The following ADGRA2 variants were observed in gnomAD, a reference collection of about 807,000 sequenced individuals.
ADGRA2 encodes the protein G-protein coupled receptor 124.
ADGRA2 carries 61 observed loss-of-function variants against 98.7 expected under a neutral mutation model. That is an observed-to-expected ratio of 0.62 (90% CI 0.50 to 0.76). The LOEUF (loss-of-function observed/expected upper bound fraction) is 0.76, where lower values mean the gene tolerates loss of function less well. ADGRA2 is among the 30% of genes least tolerant of loss of function. The probability of loss-of-function intolerance (pLI) is 0.00; values close to 1 mark genes in which losing one functional copy is unlikely to be tolerated. For missense variants in ADGRA2, 1,712 were observed against 1,860.0 expected, an observed-to-expected ratio of 0.92 and a Z score of 1.46; for synonymous variants, 858 against 831.5, an observed-to-expected ratio of 1.03 and a Z score of -0.55.
At position 37,825,486 on chromosome 8, in the gene ADGRA2, T is replaced by C. The variant is rs566091162; in HGVS notation, c.339-3402T>C. 8.5e-4 allele frequency among the ~76,000 whole-genome samples: 128 copies of C among 151,034 alleles called. 1 individual carries two copies. The highest frequency in any genetic ancestry group is 2.9e-3 in the African/African-American group (119 of 41,088). On this transcript the variant is annotated intron_variant, in intron 2 of 18. Transcript: ENST00000412232. Reference sequence around the variant, plus strand: ...CTGGTCTCGAACTCCTGACCTCAGGTGATCTGCCTACCTCGGCCTCCCAAA... The same window carrying C: ...CTGGTCTCGAACTCCTGACCTCAGGCGATCTGCCTACCTCGGCCTCCCAAA...
chr8:37,805,823 C>T (rs1157468359), intron 1 of ADGRA2, among the ~76,000 whole-genome samples: 2 of 151,786 alleles, frequency 1.3e-5, no homozygotes, highest in East Asian at 1.9e-4. Context: ...GAGCCGAGAT[C>T]GTACCACTGC....
chr8:37,833,641 G>A (rs746587587), intron 9 of ADGRA2, 47 bp from the exon 10 acceptor site: 5 of 1,601,146 alleles, frequency 3.1e-6, no homozygotes, highest in South Asian at 1.1e-5. Context: ...CAGTTCGGGG[G>A]CAGAAGGAAC....
intron 5 of ADGRA2, 103 bp from the exon 6 acceptor site, chr8:37,829,737 ACCCGATTTTGC>A: frequency 9.0e-7 from 1 of 1,110,982 alleles, no homozygotes; most frequent in Non-Finnish European, 1.3e-6. Context: ...GTGCACATAG[ACCCGATTTTGC>A]CCCTCCTACC....
chr8:37,839,195 T>TG, intron 15 of ADGRA2, 112 bp downstream of exon 15: 1 of 1,421,468 alleles, frequency 7.0e-7, no homozygotes, highest in Non-Finnish European at 9.9e-7. Flanking sequence ...AGCTTTGCAA[T>TG]GGGGGAGGGA....
Position 37,844,768 on chromosome 8 carries a change from C to T in ADGRA2, c.*2413C>T, listed in dbSNP as rs1281631611. The T allele has an allele frequency of 2.5e-6, 4 of 1,614,030 alleles. No homozygotes were observed. The highest frequency in any genetic ancestry group is 1.3e-5 in the African/African-American group (1 of 75,024). On this transcript the variant is annotated 3_prime_UTR_variant, in exon 19 of 19. Transcript: ENST00000412232. Reference sequence around the variant, plus strand: ...CCTTCTCCTTGCCCCTGTCCCCACCCCGGTGGCTCCTTCTCTCGGGTCTCC... The same window carrying T: ...CCTTCTCCTTGCCCCTGTCCCCACCTCGGTGGCTCCTTCTCTCGGGTCTCC...
intron 2 of ADGRA2, among the ~76,000 whole-genome samples, chr8:37,821,699 G>A (rs975457863): frequency 3.3e-5 from 5 of 152,194 alleles, no homozygotes; most frequent in Non-Finnish European, 5.9e-5. Context: ...AGAGGCTCGT[G>A]CACGGCTAAA....
chr8:37,832,508 T>C (rs1367941521), intron 8 of ADGRA2, among the ~76,000 whole-genome samples: 1 of 151,574 alleles, frequency 6.6e-6, no homozygotes, highest in Non-Finnish European at 1.5e-5. Context: ...GCTTATTGTG[T>C]TATCTTCTGT....
intron 2 of ADGRA2, among the ~76,000 whole-genome samples, chr8:37,822,961 G>A (rs1474535703): frequency 3.3e-5 from 5 of 149,492 alleles, no homozygotes; most frequent in African/African-American, 7.4e-5. Context: ...GTGCGATCTC[G>A]GCTTGCTACA....
intron 1 of ADGRA2, among the ~76,000 whole-genome samples, chr8:37,807,442 T>A (rs1335879667): frequency 6.6e-6 from 1 of 152,234 alleles, no homozygotes; most frequent in Non-Finnish European, 1.5e-5. Context: ...TAATTATTGC[T>A]AATGACATAG....
At chr8:37,808,940 T>A (rs1380858691) in intron 1 of ADGRA2, among the ~76,000 whole-genome samples, 1 of 152,048 alleles carries the variant, frequency 6.6e-6, no homozygotes, top group Non-Finnish European at 1.5e-5. Flanking sequence ...TTCTCCTGCC[T>A]CAGCCTCCAG....
At position 37,835,330 on chromosome 8, in the gene ADGRA2, G is replaced by A. The variant is rs1244362714; in HGVS notation, c.1765G>A (p.Asp589Asn). ...NPPPEPEPPA[D>N]QQLRFRCTTG... ...CCCACCTGAGCCCGAGCCCCCAGCT[G>A]ACCAGCAGCTCCGCTTCCGCTGCAC... The change falls in exon 12 of 19, where the codon GAC (aspartate) becomes AAC (asparagine). Residue 589 changes from aspartate (D) to asparagine (N), a missense_variant. Coordinates refer to ENST00000412232, the MANE Select transcript of ADGRA2 (RefSeq NM_032777.10). 1 of 1,613,436 alleles carries A rather than the reference G, an allele frequency of 6.2e-7. No homozygotes were observed. The highest frequency in any genetic ancestry group is 2.2e-5 in the East Asian group (1 of 44,878).
chr8:37,826,671 C>A (rs1000980261), intron 2 of ADGRA2, among the ~76,000 whole-genome samples: 8 of 152,184 alleles, frequency 5.3e-5, no homozygotes, highest in African/African-American at 1.9e-4. Context: ...GGACTGTGCA[C>A]AAACAGGCCC....
intron 2 of ADGRA2, among the ~76,000 whole-genome samples, chr8:37,818,596 T>C (rs1483245501): frequency 6.6e-6 from 1 of 152,238 alleles, no homozygotes; most frequent in Non-Finnish European, 1.5e-5. Context: ...TCCTGCTCTG[T>C]GCTGGTCACC....
At chr8:37,800,581 G>A (rs1412057300) in intron 1 of ADGRA2, among the ~76,000 whole-genome samples, 1 of 152,152 alleles carries the variant, frequency 6.6e-6, no homozygotes, top group Non-Finnish European at 1.5e-5. Flanking sequence ...GGGAACAGGG[G>A]ACAAGATAAG....
At chr8:37,800,599 G>A (rs1265561310) in intron 1 of ADGRA2, among the ~76,000 whole-genome samples, 1 of 152,144 alleles carries the variant, frequency 6.6e-6, no homozygotes, top group Non-Finnish European at 1.5e-5. Flanking sequence ...AAGTTAGGAG[G>A]ATCTTGGTTC....
chr8:37,828,008 G>A (rs1223996914), intron 2 of ADGRA2, among the ~76,000 whole-genome samples: 1 of 151,910 alleles, frequency 6.6e-6, no homozygotes, highest in Admixed American at 6.6e-5. Flanking sequence ...CGGGTGTGGT[G>A]GCGCACACCT....
chr8:37,840,371 C>A, intron 17 of ADGRA2, 105 bp downstream of exon 17: 2 of 1,254,080 alleles, frequency 1.6e-6, no homozygotes, highest in Non-Finnish European at 2.3e-6. Flanking sequence ...CCTGGGAGAT[C>A]ACTCTCCAAA....
At chr8:37,810,475 C>A (rs755222307) in intron 1 of ADGRA2, among the ~76,000 whole-genome samples, 23 of 151,680 alleles carry the variant, frequency 1.5e-4, no homozygotes, top group Non-Finnish European at 2.9e-4. Flanking sequence ...TGCCACTGCA[C>A]TCCAGCCTGG....
rs539814517 is a variant in ADGRA2, at chr8:37,808,356, T to C, written c.267-6540T>C. On this transcript the variant is annotated intron_variant, in intron 1 of 18. Coordinates refer to ENST00000412232, the MANE Select transcript of ADGRA2 (RefSeq NM_032777.10). ...TACCTGGCTGGCCCCCGTGAGGTTT[T>C]AGGGTCAGAGGACGGAGCAGGTTGA... 4.6e-5 allele frequency among the ~76,000 whole-genome samples: 7 copies of C among 152,292 alleles called. No individual in the cohort carries two copies. In the South Asian group the frequency reaches 1.4e-3, roughly 32 times the overall value.
Sources: allele counts gnomAD v4.1 joint callset (sites outside exome capture counted in the v4.1 genomes callset), GRCh38; gene constraint gnomAD v4.1.1; transcripts MANE v1.5; gene names NCBI Gene and HGNC (gene_info 2026-07-23, HGNC 2026-07-21).